Variants in STK3 observed in about 807,000 individuals in gnomAD.
The protein encoded by STK3 is serine/threonine-protein kinase 3.
In STK3, 41 loss-of-function variants were observed where a neutral mutation model predicts 58.0. The observed-to-expected ratio is 0.71, with a 90% CI of 0.55 to 0.92. The LOEUF is 0.92. Ranked by LOEUF, STK3 falls within the 40% of genes least tolerant of loss-of-function variation. The probability of loss-of-function intolerance (pLI) is 0.00; values close to 1 mark genes in which losing one functional copy is unlikely to be tolerated. For missense variants in STK3, 479 were observed against 602.7 expected, an observed-to-expected ratio of 0.79 and a Z score of 2.15; for synonymous variants, 170 against 191.0, an observed-to-expected ratio of 0.89 and a Z score of 0.91.
At chr8:98,728,223 AAG>A (rs1827924408) in intron 4 of STK3, among the ~76,000 whole-genome samples, 1 of 152,180 alleles carries the variant, frequency 6.6e-6, no homozygotes, top group Admixed American at 6.5e-5. Flanking sequence ...CCCCCTAAAG[AAG>A]AGACTTGAAA....
chr8:98,771,865 C>T (rs935199986), intron 2 of STK3, among the ~76,000 whole-genome samples: 2 of 152,098 alleles, frequency 1.3e-5, no homozygotes, highest in African/African-American at 4.8e-5. Context: ...GGGATTACAG[C>T]GTGTAAGCCA....
rs531461585 is a variant in STK3, at chr8:98,694,935, C to T, written c.684+11532G>A. On this transcript the variant is annotated intron_variant, in intron 6 of 10. Coordinates refer to ENST00000419617, the MANE Select transcript of STK3 (RefSeq NM_006281.4). The stretch of plus-strand genomic sequence containing the variant: ...CCTGAAGAATCGCCACACTGACTTC[C>T]ACAATGGTTGAACTAGTTTACAGTC... Among the ~76,000 whole-genome samples the T allele has an allele frequency of 5.3e-4, 81 of 152,290 alleles. No homozygotes were observed. In the South Asian group the frequency reaches 0.017, roughly 31 times the overall value.
chr8:98,574,062 G>A (rs532072861), intron 8 of STK3, among the ~76,000 whole-genome samples: 2 of 152,192 alleles, frequency 1.3e-5, no homozygotes, highest in East Asian at 3.9e-4. Flanking sequence ...GACACATGGG[G>A]ATTATGGGAA....
intron 6 of STK3, among the ~76,000 whole-genome samples, chr8:98,683,435 G>A (rs1013204628): frequency 1.1e-4 from 16 of 151,978 alleles, no homozygotes; most frequent in African/African-American, 3.9e-4. Context: ...CTTTGAGATA[G>A]GAAAGGAAAT....
intron 3 of STK3, among the ~76,000 whole-genome samples, chr8:98,835,662 G>A (rs1835719721): frequency 6.6e-6 from 1 of 152,164 alleles, no homozygotes; most frequent in Admixed American, 6.6e-5. Flanking sequence ...AAACCTAAGA[G>A]GAAGATTTCT....
At chr8:98,648,774 C>T (rs940917165) in intron 6 of STK3, among the ~76,000 whole-genome samples, 6 of 152,046 alleles carry the variant, frequency 3.9e-5, no homozygotes, top group Admixed American at 2.0e-4. Flanking sequence ...CACCTGTAGT[C>T]CCAGCTACTC....
intron 6 of STK3, among the ~76,000 whole-genome samples, chr8:98,694,750 T>C (rs916454090): frequency 3.3e-5 from 5 of 152,232 alleles, no homozygotes; most frequent in African/African-American, 7.2e-5. Context: ...CAGTCTATCA[T>C]TGTTGGACAT....
intron 7 of STK3, among the ~76,000 whole-genome samples, chr8:98,590,539 G>A (rs779553714): frequency 6.6e-6 from 1 of 152,180 alleles, no homozygotes; most frequent in Non-Finnish European, 1.5e-5. Context: ...GTCCTAGGTG[G>A]ATCTTTCTCA....
chr8:98,418,458 GA>G (rs1190698275), intron 3 of STK3, among the ~76,000 whole-genome samples: 1 of 152,228 alleles, frequency 6.6e-6, no homozygotes, highest in African/African-American at 2.4e-5. Flanking sequence ...CAGGGTGTGG[GA>G]TAGGTACGTG....
chr8:98,828,454 A>C (rs1220679217), upstream of STK3, among the ~76,000 whole-genome samples: 42 of 150,786 alleles, frequency 2.8e-4, no homozygotes, highest in African/African-American at 8.2e-4. Flanking sequence ...AAAAAAAAAA[A>C]AAAAAAAAAA....
chr8:98,557,283 G>A (rs747802575), intron 8 of STK3, among the ~76,000 whole-genome samples: 31 of 151,988 alleles, frequency 2.0e-4, no homozygotes, highest in Admixed American at 5.9e-4. Context: ...GGGTACTATC[G>A]TACATTTGCT....
chr8:98,699,466 C>T (rs1245571691), intron 6 of STK3, among the ~76,000 whole-genome samples: 17 of 152,018 alleles, frequency 1.1e-4, no homozygotes, highest in East Asian at 7.7e-4. Flanking sequence ...AGTTTTTCTG[C>T]TCTGTTTTTT....
intron 1 of STK3, among the ~76,000 whole-genome samples, chr8:98,927,209 A>G (rs1839832053): frequency 6.6e-6 from 1 of 152,216 alleles, no homozygotes; most frequent in Non-Finnish European, 1.5e-5. Context: ...TTTATTTCAA[A>G]TCATACTGGA....
At chr8:98,558,924 T>C (rs73275862) in intron 8 of STK3, among the ~76,000 whole-genome samples, 2,672 of 152,238 alleles carry the variant, frequency 0.018, 74 homozygotes, top group African/African-American at 0.061. Flanking sequence ...AGAAGACTAC[T>C]TGAAACATGC....
chr8:98,671,028 G>A (rs532525841), intron 6 of STK3, among the ~76,000 whole-genome samples: 18 of 152,174 alleles, frequency 1.2e-4, no homozygotes, highest in Non-Finnish European at 2.4e-4. Flanking sequence ...TGCGAGCCCA[G>A]CAAAGGGGCC....
chr8:98,624,214 T>A (rs1301034186), intron 6 of STK3, among the ~76,000 whole-genome samples: 1 of 152,224 alleles, frequency 6.6e-6, no homozygotes, highest in Non-Finnish European at 1.5e-5. Context: ...TCTTCACAGT[T>A]ACATAATTGC....
At chr8:98,846,703 T>A (rs1160381857) in intron 3 of STK3, among the ~76,000 whole-genome samples, 1 of 152,140 alleles carries the variant, frequency 6.6e-6, no homozygotes, top group African/African-American at 2.4e-5. Flanking sequence ...TTCTAATTGG[T>A]TTTATTATAT....
intron 1 of STK3, among the ~76,000 whole-genome samples, chr8:98,892,585 C>A (rs1369101377): frequency 6.6e-6 from 1 of 152,130 alleles, no homozygotes; most frequent in Non-Finnish European, 1.5e-5. Context: ...TGCTTCCAGG[C>A]CTTTGTACAC....
At chr8:98,752,146 C>T (rs1830026343) in intron 3 of STK3, among the ~76,000 whole-genome samples, 1 of 152,006 alleles carries the variant, frequency 6.6e-6, no homozygotes. Context: ...CCAAGGCAAT[C>T]CTAAGCAAAA....
Sources: allele counts gnomAD v4.1 joint callset (sites outside exome capture counted in the v4.1 genomes callset), GRCh38; gene constraint gnomAD v4.1.1; transcripts MANE v1.5; gene names NCBI Gene and HGNC (gene_info 2026-07-23, HGNC 2026-07-21).